The following PPM1E variants were observed in gnomAD, a reference collection of about 807,000 sequenced individuals.
The protein encoded by PPM1E is protein phosphatase 1E.
In PPM1E, 20 loss-of-function variants were observed where a neutral mutation model predicts 65.9. The ratio of observed to expected loss-of-function variants is 0.30; its 90% CI spans 0.21 to 0.44. The LOEUF is 0.44. Among genes scored for constraint, PPM1E ranks in the 20% least tolerant of loss-of-function variants. PPM1E has a pLI of 1.00. For synonymous variants in PPM1E, 352 were observed against 374.9 expected (o/e 0.94, Z 0.70); for missense variants, 713 against 953.1 (o/e 0.75, Z 3.32).
At chr17:58,844,941 A>T (rs369310277) in intron 1 of PPM1E, among the ~76,000 whole-genome samples, 3 of 152,180 alleles carry the variant, frequency 2.0e-5, no homozygotes, top group African/African-American at 7.2e-5. Flanking sequence ...TCTATCAATA[A>T]CCTTTTATTC....
rs2031467111 is a variant in PPM1E, at chr17:58,983,103, A to G, written c.*2072A>G. 1.8e-6 allele frequency: 1 copy of G among 554,832 alleles called. No homozygotes were observed. The highest frequency in any genetic ancestry group is 3.0e-5 in the East Asian group (1 of 32,904). The allele number at this position is 554,832 out of a possible 1,614,324, so 34.4% of individuals were successfully genotyped here. ...CACATGCTAGGCTTTCTCAGTGGGG[A>G]AAAAAATGGCTGGATAGAACTGGGA... On this transcript the variant is annotated 3_prime_UTR_variant, in exon 7 of 7. Coordinates refer to ENST00000308249, the MANE Select transcript of PPM1E (RefSeq NM_014906.5).
chr17:58,868,840 A>G (rs1042816242), intron 1 of PPM1E, among the ~76,000 whole-genome samples: 4 of 152,082 alleles, frequency 2.6e-5, no homozygotes, highest in Admixed American at 2.0e-4. Context: ...CTTTATTATA[A>G]TTGCTAATTC....
chr17:58,764,061 A>G (rs944281643), intron 1 of PPM1E, among the ~76,000 whole-genome samples: 5 of 152,048 alleles, frequency 3.3e-5, no homozygotes, highest in Non-Finnish European at 7.4e-5. Flanking sequence ...TTTTAACTCA[A>G]TATATCCAAA....
In PPM1E at chr17:58,854,740, C is replaced by T. The variant is rs547209270; in HGVS notation, c.464+98279C>T. 1.8e-4 allele frequency among the ~76,000 whole-genome samples: 28 copies of T among 152,092 alleles called. No homozygotes were observed. In the East Asian group the frequency reaches 1.9e-3, roughly 10 times the overall value. On this transcript the variant is annotated intron_variant, in intron 1 of 6. Coordinates refer to ENST00000308249, the MANE Select transcript of PPM1E (RefSeq NM_014906.5). Reference sequence around the variant, plus strand: ...ATGTGTTGAGGCATCCTTACAGTTCCGGAATAAATCCCATTCAGTCATGGT... The same window carrying T: ...ATGTGTTGAGGCATCCTTACAGTTCTGGAATAAATCCCATTCAGTCATGGT...
chr17:58,817,164 A>T (rs1211515332), intron 1 of PPM1E, among the ~76,000 whole-genome samples: 1 of 152,124 alleles, frequency 6.6e-6, no homozygotes. Flanking sequence ...TTATCCATTT[A>T]TCTGTTGAAG....
intron 1 of PPM1E, among the ~76,000 whole-genome samples, chr17:58,808,248 T>A (rs1008683791): frequency 2.6e-5 from 4 of 152,224 alleles, no homozygotes; most frequent in Admixed American, 6.5e-5. Flanking sequence ...TAGGATCATC[T>A]TCTTTCAGAA....
At chr17:58,897,555 G>A (rs2051438000) in intron 1 of PPM1E, among the ~76,000 whole-genome samples, 1 of 152,134 alleles carries the variant, frequency 6.6e-6, no homozygotes, top group Non-Finnish European at 1.5e-5. Context: ...GCAGACCATG[G>A]ATCAAAGAGT....
chr17:58,782,405 GTT>G (rs5821246), intron 1 of PPM1E, among the ~76,000 whole-genome samples: 2 of 138,700 alleles, frequency 1.4e-5, no homozygotes, highest in Admixed American at 7.4e-5. Flanking sequence ...TCAGGTTTTT[GTT>G]TTTTTTTTTT....
intron 1 of PPM1E, among the ~76,000 whole-genome samples, chr17:58,784,059 G>A (rs1762063556): frequency 6.6e-6 from 1 of 151,692 alleles, no homozygotes; most frequent in East Asian, 1.9e-4. Context: ...GTCTCACTCT[G>A]TTGCCCAGGC....
intron 1 of PPM1E, among the ~76,000 whole-genome samples, chr17:58,757,824 C>T (rs761552880): frequency 5.3e-5 from 8 of 151,822 alleles, no homozygotes; most frequent in Non-Finnish European, 1.0e-4. Context: ...ACAGTATTAC[C>T]GTCAATTAGC....
At chr17:58,803,370 A>G (rs148828711) in intron 1 of PPM1E, among the ~76,000 whole-genome samples, 4 of 152,270 alleles carry the variant, frequency 2.6e-5, no homozygotes. Context: ...TTATTGTGGT[A>G]TGTCACATTT....
intron 1 of PPM1E, among the ~76,000 whole-genome samples, chr17:58,901,542 G>T (rs903749983): frequency 6.6e-6 from 1 of 151,950 alleles, no homozygotes; most frequent in Non-Finnish European, 1.5e-5. Context: ...GCCGGGCATG[G>T]TGGTCTGCGC....
At chr17:58,885,851 A>C (rs2051258972) in intron 1 of PPM1E, among the ~76,000 whole-genome samples, 1 of 152,194 alleles carries the variant, frequency 6.6e-6, no homozygotes, top group African/African-American at 2.4e-5. Context: ...GGGTGTATAC[A>C]CTTAGCTGCT....
chr17:58,807,694 G>T (rs2143082688), intron 1 of PPM1E, among the ~76,000 whole-genome samples: 1 of 152,202 alleles, frequency 6.6e-6, no homozygotes, highest in Middle Eastern at 3.4e-3. Flanking sequence ...TCTCACAAAT[G>T]GATAAGGAAA....
chr17:58,804,795 G>C (rs557099398), intron 1 of PPM1E, among the ~76,000 whole-genome samples: 1 of 152,086 alleles, frequency 6.6e-6, no homozygotes, highest in South Asian at 2.1e-4. Flanking sequence ...TGGGGTACAT[G>C]TCATATTTTG....
chr17:58,798,697 C>CT (rs1033891786), intron 1 of PPM1E, among the ~76,000 whole-genome samples: 13 of 150,566 alleles, frequency 8.6e-5, no homozygotes, highest in South Asian at 2.1e-4. Flanking sequence ...TTCTTTTCTT[C>CT]TTTTTTTTTC....
At chr17:58,831,085 A>G (rs1427583965) in intron 1 of PPM1E, among the ~76,000 whole-genome samples, 1 of 148,994 alleles carries the variant, frequency 6.7e-6, no homozygotes, top group African/African-American at 2.5e-5. Flanking sequence ...ATCTCAGCTC[A>G]CTGCAACCTC....
At chr17:58,818,068 G>A (rs567539711) in intron 1 of PPM1E, among the ~76,000 whole-genome samples, 2 of 152,156 alleles carry the variant, frequency 1.3e-5, no homozygotes, top group Non-Finnish European at 2.9e-5. Context: ...AGTTAAATCT[G>A]TACTGTCTCT....
At chr17:58,772,073 G>C (rs2144176670) in intron 1 of PPM1E, among the ~76,000 whole-genome samples, 1 of 152,278 alleles carries the variant, frequency 6.6e-6, no homozygotes, top group South Asian at 2.1e-4. Flanking sequence ...AGGTCACACA[G>C]TAAGTGTTAG....
Sources: allele counts gnomAD v4.1 joint callset (sites outside exome capture counted in the v4.1 genomes callset), GRCh38; gene constraint gnomAD v4.1.1; transcripts MANE v1.5; gene names NCBI Gene and HGNC (gene_info 2026-07-23, HGNC 2026-07-21).